Variants in MORN1 observed in about 807,000 individuals in gnomAD.
MORN1 encodes the protein MORN repeat containing 1.
In MORN1, 67 loss-of-function variants were observed where a neutral mutation model predicts 61.9. The ratio of observed to expected loss-of-function variants is 1.08; its 90% confidence interval spans 0.89 to 1.33. The LOEUF (loss-of-function observed/expected upper bound fraction) is 1.33. Ranked by LOEUF, MORN1 falls within the 40% of genes most tolerant of loss-of-function variation. The probability of loss-of-function intolerance (pLI) is 0.00; values close to 1 mark genes in which losing one functional copy is unlikely to be tolerated. For synonymous variants in MORN1, 301 were observed against 292.0 expected (o/e 1.03, Z -0.31); for missense variants, 752 against 691.2 (o/e 1.09, Z -0.99).
At chr1:2,371,440 C>T (rs572267306) in intron 8 of MORN1, 2 of 152,320 alleles carry the variant, frequency 1.3e-5, no homozygotes, top group Non-Finnish European at 2.9e-5. Context: ...CGTCATCACT[C>T]GTTAGGGAAA....
At chr1:2,325,182 C>CCTCCCTT (rs1226728131) in intron 12 of MORN1, among the ~76,000 whole-genome samples, 1 of 115,504 alleles carries the variant, frequency 8.7e-6, no homozygotes, top group Non-Finnish European at 1.8e-5. Flanking sequence ...TCCTTCCTTC[C>CCTCCCTT]CTTCCTTCAC....
chr1:2,323,632 C>G, intron 13 of MORN1: 1 of 985,270 alleles, frequency 1.0e-6, no homozygotes, highest in Admixed American at 6.1e-5. Flanking sequence ...GCCCTCGCTG[C>G]ACCCCTCCTT....
chr1:2,335,636 C>T (rs182410571), intron 12 of MORN1, among the ~76,000 whole-genome samples: 1 of 152,308 alleles, frequency 6.6e-6, no homozygotes, highest in East Asian at 1.9e-4. Context: ...ATCTTTTGCT[C>T]CAATCAGGAA....
chr1:2,385,650 C>T, intron 5 of MORN1, 157 bp downstream of exon 5: 3 of 608,584 alleles, frequency 4.9e-6, no homozygotes, highest in Admixed American at 5.1e-5. Context: ...TGTGGTTCAA[C>T]AACTTGGCAC....
intron 12 of MORN1, among the ~76,000 whole-genome samples, chr1:2,324,966 T>C (rs993014620): frequency 2.5e-4 from 19 of 77,296 alleles, no homozygotes; most frequent in African/African-American, 2.0e-3. Context: ...TCCCTGCACG[T>C]GAGGAAGCTG....
At chr1:2,332,445 C>G in intron 12 of MORN1, 1 of 360,986 alleles carries the variant, frequency 2.8e-6, no homozygotes, top group Non-Finnish European at 5.5e-6. Flanking sequence ...GTGGGATGGG[C>G]GACCCCTGGC....
rs1209024813 is a variant in MORN1 at position 2,367,080 on chromosome 1, CA to C, written c.745+5400del. ...CTGATTTATAAAATATTGTACACAACAAAATTCACATTCTTCTCAAGTGCAC... is the reference window on the plus strand; with the variant it reads ...CTGATTTATAAAATATTGTACACAACAAATTCACATTCTTCTCAAGTGCAC... On this transcript the variant is annotated intron_variant, in intron 8 of 13. Transcript: ENST00000378531. Among the ~76,000 whole-genome samples, 3 of 151,866 alleles carry C rather than the reference CA, an allele frequency of 2.0e-5. No homozygotes were observed. In the East Asian group the frequency reaches 5.8e-4, roughly 29 times the overall value.
At chr1:2,358,550 A>AAACAAACTC in intron 9 of MORN1, 42 bp downstream of exon 9, 1 of 1,612,532 alleles carries the variant, frequency 6.2e-7, no homozygotes, top group Non-Finnish European at 8.5e-7. Flanking sequence ...AATGAACTCA[A>AAACAAACTC]AACAAACTCA....
Position 2,321,443 on chromosome 1 carries a change from T to C in MORN1, c.1434A>G (p.Glu478=). Residue 478 remains glutamate (E), a synonymous_variant, in exon 14 of 14, where the codon GAA becomes GAG. Transcript: ENST00000378531. ...GGGCGGCCTGCCAGCTGCTTGAGGC[T>C]TCAGGGCCTTCTTCCAGGACATGGG... is the stretch of plus-strand genomic sequence containing the variant. ...QPPHVLEEGP[E]ASSSWQAAHS... is the part of the protein sequence containing the mutation. 1.3e-6 allele frequency: 2 copies of C among 1,541,210 alleles called. No individual in the cohort carries two copies. Among genetic ancestry groups the C allele is most frequent in the Non-Finnish European group, 1.8e-6 (2 of 1,142,680 alleles).
chr1:2,325,883 C>A (rs1195205994), intron 12 of MORN1, among the ~76,000 whole-genome samples: 1 of 152,186 alleles, frequency 6.6e-6, no homozygotes, highest in Non-Finnish European at 1.5e-5. Flanking sequence ...CCTCGGCTTC[C>A]TAAAGTGTTG....
At position 2,372,929 on chromosome 1, in the gene MORN1, C is replaced by T. The variant is rs895841530; in HGVS notation, c.635-338G>A. Among the ~76,000 whole-genome samples, 19 of 152,232 alleles carry T rather than the reference C, an allele frequency of 1.2e-4. No homozygotes were observed. Among genetic ancestry groups the T allele is most frequent in the African/African-American group, 3.9e-4 (16 of 41,462 alleles). ...CGTGGAATGTTCCCGCACGTCTTCC[C>T]GCTGGTCGGGATTTAGGCCCTGCAT... On this transcript the variant is annotated intron_variant, in intron 7 of 13. Coordinates refer to ENST00000378531, the MANE Select transcript of MORN1 (RefSeq NM_024848.3). This position sits in a 1 kb window ranked among gnomAD's most constrained non-coding sequence, Gnocchi z 5.4.
Position 2,372,624 on chromosome 1 carries a change from A to T in MORN1, c.635-33T>A. The T allele has an allele frequency of 6.4e-7, 1 of 1,560,436 alleles. No individual in the cohort carries two copies. Among genetic ancestry groups the T allele is most frequent in the Non-Finnish European group, 8.8e-7 (1 of 1,138,708 alleles). On this transcript the variant is annotated intron_variant, in intron 7 of 13. Coordinates refer to ENST00000378531, the MANE Select transcript of MORN1 (RefSeq NM_024848.3). This position sits in a 1 kb window ranked among gnomAD's most constrained non-coding sequence, Gnocchi z 5.4. The stretch of plus-strand genomic sequence containing the variant: ...AGGACAGAGTGTGGCTTTAGCGGTG[A>T]CTGGCATGGTCCCCCACCCACCCCA...
intron 10 of MORN1, among the ~76,000 whole-genome samples, chr1:2,344,764 C>T (rs561969669): frequency 1.3e-5 from 2 of 152,216 alleles, no homozygotes; most frequent in Non-Finnish European, 2.9e-5. Context: ...CAACAGCTGC[C>T]TGCAGAGCCT....
chr1:2,370,679 T>C (rs1450611211), intron 8 of MORN1, among the ~76,000 whole-genome samples: 6 of 150,656 alleles, frequency 4.0e-5, no homozygotes, highest in South Asian at 2.1e-4. Context: ...TTCTTCTTTT[T>C]TTTTTTTTTT....
At chr1:2,350,346 C>G (rs1238636699) in intron 10 of MORN1, 1 of 152,160 alleles carries the variant, frequency 6.6e-6, no homozygotes, top group African/African-American at 2.4e-5. Flanking sequence ...TTCATATCAA[C>G]AAAATAATAA....
intron 10 of MORN1, chr1:2,350,315 A>G (rs1002530154): frequency 6.6e-6 from 1 of 152,264 alleles, no homozygotes; most frequent in Non-Finnish European, 1.5e-5. Context: ...AAAGTTAAAA[A>G]CAACTAAACA....
At position 2,389,941 on chromosome 1, in the gene MORN1, T is replaced by C. The variant is rs944696696; in HGVS notation, c.132A>G (p.Lys44=). The C allele has an allele frequency of 1.9e-6, 3 of 1,614,126 alleles. No individual in the cohort carries two copies. The highest frequency in any genetic ancestry group is 2.5e-6 in the Non-Finnish European group (3 of 1,179,988). The change falls in exon 2 of 14, where the codon AAA becomes AAG. Residue 44 remains lysine, a synonymous_variant. Transcript: ENST00000378531. ...GCTTCTCACCGTGCTTCCTCCCTGCTTTCCATTCTCCTTCATATCGAAAGA... is the reference window on the plus strand; with the variant it reads ...GCTTCTCACCGTGCTTCCTCCCTGCCTTCCATTCTCCTTCATATCGAAAGA... ...NSFFRYEGEW[K]AGRKHGHGKL...
chr1:2,323,068 T>C (rs1640919348), intron 13 of MORN1: 2 of 985,266 alleles, frequency 2.0e-6, no homozygotes, highest in African/African-American at 1.7e-5. Flanking sequence ...GCCGAGCGGC[T>C]GCGCACAGGT....
At chr1:2,339,706 C>T (rs1641353349) in intron 10 of MORN1, among the ~76,000 whole-genome samples, 1 of 152,204 alleles carries the variant, frequency 6.6e-6, no homozygotes, top group Non-Finnish European at 1.5e-5. Context: ...CCTGGGTCCC[C>T]CTCGCCCTTC....
Sources: gnomAD v4.1 joint callset for allele counts (sites outside exome capture counted in the v4.1 genomes callset) on GRCh38, gnomAD v4.1.1 for gene constraint, Gnocchi (gnomAD v3.1) non-coding constraint, MANE v1.5 for transcripts, NCBI Gene and HGNC (gene_info 2026-07-23, HGNC 2026-07-21) for gene names.